The following HIPK3 variants were observed in gnomAD, a reference collection of about 807,000 sequenced individuals.
HIPK3 encodes homeodomain interacting protein kinase 3.
In HIPK3, 47 loss-of-function variants were observed where a neutral mutation model predicts 124.2. The ratio of observed to expected loss-of-function variants is 0.38; its 90% CI spans 0.30 to 0.48. The LOEUF is 0.48. HIPK3 is among the 20% of genes least tolerant of loss of function. The probability of loss-of-function intolerance (pLI) is 0.98; values close to 1 mark genes in which losing one functional copy is unlikely to be tolerated. For missense variants in HIPK3, 1,286 were observed against 1,454.3 expected, an observed-to-expected ratio of 0.88 and a Z score of 1.88; for synonymous variants, 482 against 515.2, an observed-to-expected ratio of 0.94 and a Z score of 0.87.
chr11:33,300,721 G>A (rs923380499), intron 2 of HIPK3, among the ~76,000 whole-genome samples: 10 of 152,044 alleles, frequency 6.6e-5, no homozygotes, highest in African/African-American at 2.4e-4. Context: ...ATTTGTGGGT[G>A]TTTATGTGTG....
chr11:33,350,758 GTTTTAA>G (rs1259419445), intron 14 of HIPK3, among the ~76,000 whole-genome samples: 1 of 152,084 alleles, frequency 6.6e-6, no homozygotes, highest in Non-Finnish European at 1.5e-5. Flanking sequence ...AAAATTTTAA[GTTTTAA>G]TTTTACACAT....
At chr11:33,258,220 G>GGC in intron 1 of HIPK3, 1 of 627,262 alleles carries the variant, frequency 1.6e-6, no homozygotes, top group Non-Finnish European at 2.0e-6. Flanking sequence ...CCCTCCCCCT[G>GGC]CCAAGGTTGC....
At chr11:33,313,799 C>T (rs1475308388) in intron 2 of HIPK3, among the ~76,000 whole-genome samples, 1 of 152,086 alleles carries the variant, frequency 6.6e-6, no homozygotes, top group Non-Finnish European at 1.5e-5. Context: ...CTCATTTATG[C>T]ACAAGTACCC....
Position 33,287,304 on chromosome 11 carries a change from A to T in HIPK3, c.890A>T (p.Lys297Ile). 1 of 1,614,174 alleles carries T rather than the reference A, an allele frequency of 6.2e-7. No homozygotes were observed. The stretch of plus-strand genomic sequence containing the variant: ...AATAAATTTAGTCCCCTGCCACTAA[A>T]AGTGATTCGGCCCATTCTTCAACAA... ...KQNKFSPLPLKVIRPILQQVA... is the reference protein window; with the variant it reads ...KQNKFSPLPLIVIRPILQQVA... Residue 297 changes from lysine (K) to isoleucine (I), a missense_variant, in exon 2 of 17, where the codon AAA (lysine) becomes ATA (isoleucine). Transcript: ENST00000303296.
At chr11:33,275,729 G>A (rs1184110206) in intron 1 of HIPK3, among the ~76,000 whole-genome samples, 4 of 152,180 alleles carry the variant, frequency 2.6e-5, no homozygotes, top group African/African-American at 9.7e-5. Context: ...ATATAGTGAA[G>A]TTCTACTTTT....
intron 2 of HIPK3, among the ~76,000 whole-genome samples, chr11:33,306,712 A>G (rs1852171004): frequency 6.6e-6 from 1 of 152,234 alleles, no homozygotes; most frequent in Non-Finnish European, 1.5e-5. Flanking sequence ...CATAATGTAT[A>G]TAAAGTATTT....
At chr11:33,259,176 A>G (rs1850758464) in intron 1 of HIPK3, among the ~76,000 whole-genome samples, 1 of 152,096 alleles carries the variant, frequency 6.6e-6, no homozygotes, top group Admixed American at 6.5e-5. Context: ...GTTAATTTCA[A>G]AGTTTTAGTT....
Position 33,355,185 on chromosome 11 carries a change from G to A in HIPK3, c.*1617G>A, listed in dbSNP as rs965300339. 31 of 152,018 alleles carry A rather than the reference G, an allele frequency of 2.0e-4. No individual in the cohort carries two copies. Among genetic ancestry groups the A allele is most frequent in the African/African-American group, 7.2e-4 (30 of 41,422 alleles). The allele number at this position is 152,018 out of a possible 1,614,324, so 9.4% of individuals were successfully genotyped here. A position where few individuals can be genotyped will look rare whatever the true frequency, so the allele number is the denominator to read the frequency against. Reference sequence around the variant, plus strand: ...AATTTCTGTATAAGTCTAATTACATGAATAGAAATTGGGGTTTTGATTTTT... The same window carrying A: ...AATTTCTGTATAAGTCTAATTACATAAATAGAAATTGGGGTTTTGATTTTT... On this transcript the variant is annotated 3_prime_UTR_variant, in exon 17 of 17. Coordinates refer to ENST00000303296, the MANE Select transcript of HIPK3 (RefSeq NM_005734.5).
chr11:33,264,442 C>G (rs1590335377), intron 1 of HIPK3, among the ~76,000 whole-genome samples: 1 of 151,624 alleles, frequency 6.6e-6, no homozygotes, highest in Non-Finnish European at 1.5e-5. Flanking sequence ...GTTCCAAGAT[C>G]AGAAACTTTT....
intron 3 of HIPK3, among the ~76,000 whole-genome samples, chr11:33,333,731 A>G (rs1316356433): frequency 6.6e-6 from 1 of 152,156 alleles, no homozygotes; most frequent in Non-Finnish European, 1.5e-5. Flanking sequence ...GAGGTACATT[A>G]ATTGCTCTAT....
intron 2 of HIPK3, among the ~76,000 whole-genome samples, chr11:33,299,413 A>G (rs1345463491): frequency 6.6e-6 from 1 of 151,638 alleles, no homozygotes; most frequent in Admixed American, 6.6e-5. Context: ...CAGAGGTTGC[A>G]GTGAGCCGAG....
intron 9 of HIPK3, 22 bp from the exon 10 acceptor site, chr11:33,347,607 T>C: frequency 1.9e-6 from 3 of 1,607,028 alleles, no homozygotes; most frequent in Non-Finnish European, 1.7e-6. Flanking sequence ...TATTTTCTAT[T>C]GTTTTGCTTT....
At chr11:33,308,634 G>T (rs1470436973) in intron 2 of HIPK3, among the ~76,000 whole-genome samples, 1 of 151,600 alleles carries the variant, frequency 6.6e-6, no homozygotes. Context: ...GTGTGTGTGT[G>T]TGTGTGTGAG....
In HIPK3 at chr11:33,351,735, T is replaced by C. The variant is rs1159125464; in HGVS notation, c.2935T>C (p.Leu979=). The C allele has an allele frequency of 6.2e-7, 1 of 1,614,186 alleles. No individual in the cohort carries two copies. The highest frequency in any genetic ancestry group is 2.2e-5 in the East Asian group (1 of 44,882). ...FVEDTHENTE[L]VSSADTETKP... ...GGAGGACACTCATGAAAACACAGAA[T>C]TGGTATCCTCTGCTGACACAGAAAC... The change falls in exon 15 of 17, where the codon TTG becomes CTG. Residue 979 remains leucine (L), a synonymous_variant. Coordinates refer to ENST00000303296, the MANE Select transcript of HIPK3 (RefSeq NM_005734.5).
In HIPK3 at chr11:33,274,447, T is replaced by TA. The variant is rs566358275; in HGVS notation, c.-2-11960dup. ...AAGGGAGTTGTTCATAACCCAAACT[T>TA]AAAAAACTGTTTACTCTTTCTAATA... is the stretch of plus-strand genomic sequence containing the variant. On this transcript the variant is annotated intron_variant, in intron 1 of 16. Coordinates refer to ENST00000303296, the MANE Select transcript of HIPK3 (RefSeq NM_005734.5). Among the ~76,000 whole-genome samples the TA allele has an allele frequency of 5.0e-4, 76 of 152,296 alleles. 1 individual carries two copies. The East Asian group carries it at 0.011, about 22-fold the overall frequency.
At chr11:33,319,322 C>T (rs1438172757) in intron 2 of HIPK3, among the ~76,000 whole-genome samples, 1 of 152,086 alleles carries the variant, frequency 6.6e-6, no homozygotes, top group Non-Finnish European at 1.5e-5. Context: ...TTGTGAAACC[C>T]CATCTCTACT....
At chr11:33,331,303 T>C (rs1319841620) in intron 3 of HIPK3, among the ~76,000 whole-genome samples, 3 of 152,300 alleles carry the variant, frequency 2.0e-5, no homozygotes, top group Admixed American at 6.5e-5. Flanking sequence ...ACCAGTAGGG[T>C]ATGTCTCTCT....
intron 1 of HIPK3, chr11:33,258,558 G>T (rs985414242): frequency 3.0e-6 from 3 of 985,382 alleles, no homozygotes; most frequent in African/African-American, 3.5e-5. Context: ...GCCGCGCGGC[G>T]GGGCTGTTGC....
At chr11:33,350,852 T>C (rs1251398621) in intron 14 of HIPK3, among the ~76,000 whole-genome samples, 1 of 152,228 alleles carries the variant, frequency 6.6e-6, no homozygotes. Flanking sequence ...TTAATGTATC[T>C]TCTTAAAAGT....
Sources: gnomAD v4.1 joint callset for allele counts (sites outside exome capture counted in the v4.1 genomes callset) on GRCh38, gnomAD v4.1.1 for gene constraint, MANE v1.5 for transcripts, NCBI Gene and HGNC (gene_info 2026-07-23, HGNC 2026-07-21) for gene names.